The following ARHGAP29 variants were observed in gnomAD, a reference collection of about 807,000 sequenced individuals.
ARHGAP29 encodes the protein Rho GTPase activating protein 29.
Under a neutral mutation model 122.6 loss-of-function variants are expected in ARHGAP29, and 43 were observed. That is an observed-to-expected ratio of 0.35 (90% confidence interval 0.27 to 0.45). The LOEUF (loss-of-function observed/expected upper bound fraction) is 0.45, where lower values mean the gene tolerates loss of function less well. Among genes scored for constraint, ARHGAP29 ranks in the 20% least tolerant of loss-of-function variants. The pLI is 1.00. For synonymous variants in ARHGAP29, 506 were observed against 497.1 expected, an observed-to-expected ratio of 1.02 and a Z score of -0.24; for missense variants, 1,303 against 1,477.2, an observed-to-expected ratio of 0.88 and a Z score of 1.93.
At chr1:94,284,338 C>A in the ARHGAP29 span, among the ~76,000 whole-genome samples, 12 of 152,168 alleles carry the variant, frequency 7.9e-5, no homozygotes, top group African/African-American at 2.9e-4. Flanking sequence ...CCTTATTTTG[C>A]ATCCTTACCT....
In ARHGAP29 at chr1:94,174,376, C is replaced by G; in HGVS notation, c.3279G>C (p.Lys1093Asn). The G allele has an allele frequency of 1.2e-6, 2 of 1,614,084 alleles. No individual in the cohort carries two copies. Among genetic ancestry groups the G allele is most frequent in the Non-Finnish European group, 1.7e-6 (2 of 1,180,012 alleles). ...KQYEQNSLTA[K>N]TTMIMPSALQ... Reference sequence around the variant, plus strand: ...GTGCACTGGGCATGATCATTGTAGTCTTGGCAGTTAGGCTGTTTTGTTCAT... The same window carrying G: ...GTGCACTGGGCATGATCATTGTAGTGTTGGCAGTTAGGCTGTTTTGTTCAT... Residue 1093 changes from lysine (K) to asparagine (N), a missense_variant, in exon 23 of 23, where the codon AAG (lysine) becomes AAC (asparagine). Around this residue, in one of 3 missense-constraint regions of ARHGAP29, gnomAD observed 620 missense variants for 651.2 expected, o/e 0.95. Transcript: ENST00000260526.
At chr1:94,298,239 G>C in the ARHGAP29 span, among the ~76,000 whole-genome samples, 3 of 152,166 alleles carry the variant, frequency 2.0e-5, no homozygotes, top group East Asian at 5.8e-4. Context: ...GAAGTATAAA[G>C]AGGCAAAATT....
At chr1:94,198,471 A>C (rs546986208) in intron 12 of ARHGAP29, among the ~76,000 whole-genome samples, 1 of 152,142 alleles carries the variant, frequency 6.6e-6, no homozygotes, top group Non-Finnish European at 1.5e-5. Flanking sequence ...ACCCTGTCTC[A>C]AAAAACAAAA....
At chr1:94,200,521 C>A (rs1280955682) in intron 12 of ARHGAP29, among the ~76,000 whole-genome samples, 1 of 152,096 alleles carries the variant, frequency 6.6e-6, no homozygotes, top group Non-Finnish European at 1.5e-5. Context: ...ATTTAGCACA[C>A]CAGCCAGTAA....
intron 2 of ARHGAP29, among the ~76,000 whole-genome samples, chr1:94,226,467 G>A (rs754213053): frequency 1.3e-5 from 2 of 151,932 alleles, no homozygotes; most frequent in Non-Finnish European, 2.9e-5. Context: ...CAACTAGCAA[G>A]TGGCAGAATG....
the ARHGAP29 span, chr1:94,302,748 GACCTGAC>G: frequency 2.8e-6 from 1 of 358,968 alleles, no homozygotes; most frequent in Non-Finnish European, 5.5e-6. Flanking sequence ...GTCAGTCATG[GACCTGAC>G]CTGCTCTCTG....
At chr1:94,244,522 T>A (rs1557885411) in intron 1 of ARHGAP29, among the ~76,000 whole-genome samples, 1 of 152,014 alleles carries the variant, frequency 6.6e-6, no homozygotes, top group African/African-American at 2.4e-5. Context: ...GTTTTCTCCT[T>A]AAGATCAGGA....
chr1:94,309,317 C>A, the ARHGAP29 span, among the ~76,000 whole-genome samples: 1,560 of 152,248 alleles, frequency 0.01, 26 homozygotes, highest in African/African-American at 0.036. Flanking sequence ...GATGGTGGAA[C>A]CAGGACTCAG....
intron 5 of ARHGAP29, among the ~76,000 whole-genome samples, chr1:94,206,072 A>T (rs947862561): frequency 3.9e-5 from 6 of 152,198 alleles, no homozygotes; most frequent in Non-Finnish European, 8.8e-5. Flanking sequence ...TTATCATTTT[A>T]CTATATGATA....
chr1:94,221,393 C>T (rs191202259), intron 2 of ARHGAP29, among the ~76,000 whole-genome samples: 33 of 152,120 alleles, frequency 2.2e-4, no homozygotes, highest in African/African-American at 7.7e-4. Context: ...TAAGCACTTA[C>T]TATGTGCTAG....
intron 11 of ARHGAP29, 162 bp from the exon 12 acceptor site, chr1:94,202,019 G>A: frequency 1.5e-6 from 1 of 678,098 alleles, no homozygotes; most frequent in Middle Eastern, 4.2e-4. Context: ...TTCAAAGGCA[G>A]TTGATTTTAA....
intron 1 of ARHGAP29, among the ~76,000 whole-genome samples, chr1:94,257,078 C>T (rs905201760): frequency 3.9e-5 from 6 of 152,100 alleles, no homozygotes; most frequent in African/African-American, 1.4e-4. Flanking sequence ...TCCTCTCAAA[C>T]CAATCCTTTT....
chr1:94,201,649 A>G lies in ARHGAP29; in HGVS notation c.1281+71T>C, dbSNP rs1251388775. ...CAGCCTCCCAAAGTGCTGGGATTAC[A>G]GGTGTGAGCCACCATGCCTTGCCTG... On this transcript the variant is annotated intron_variant, in intron 12 of 22. Transcript: ENST00000260526. 33 of 1,579,854 alleles carry G rather than the reference A, an allele frequency of 2.1e-5. 1 individual carries two copies. The Admixed American group carries it at 5.9e-4, about 28-fold the overall frequency.
chr1:94,241,804 A>G (rs1233517569), upstream of ARHGAP29, among the ~76,000 whole-genome samples: 1 of 149,988 alleles, frequency 6.7e-6, no homozygotes, highest in African/African-American at 2.4e-5. Context: ...GTAGTAAACA[A>G]CTAGAAAAAT....
chr1:94,243,716 C>T (rs2150269), intron 1 of ARHGAP29, among the ~76,000 whole-genome samples: 38,021 of 151,640 alleles, frequency 0.25, 4,885 homozygotes, highest in East Asian at 0.46. Context: ...ATTTAGAAAA[C>T]AGAAAACAGA....
intron 2 of ARHGAP29, among the ~76,000 whole-genome samples, chr1:94,227,740 A>C (rs1281667678): frequency 6.6e-6 from 1 of 151,810 alleles, no homozygotes; most frequent in African/African-American, 2.4e-5. Flanking sequence ...GCACTTATGA[A>C]TCTGTTATTT....
At chr1:94,273,895 T>C (rs150964435) in intron 1 of ARHGAP29, among the ~76,000 whole-genome samples, 1 of 148,952 alleles carries the variant, frequency 6.7e-6, no homozygotes, top group African/African-American at 2.5e-5. Flanking sequence ...AGATGAGCAG[T>C]AGCATTAAAA....
At chr1:94,310,701 G>A in the ARHGAP29 span, among the ~76,000 whole-genome samples, 1 of 151,962 alleles carries the variant, frequency 6.6e-6, no homozygotes, top group Non-Finnish European at 1.5e-5. Flanking sequence ...AGATTTCAAA[G>A]GCCAACATGG....
intron 15 of ARHGAP29, 58 bp downstream of exon 15, chr1:94,188,779 C>A: frequency 1.5e-6 from 2 of 1,377,790 alleles, no homozygotes; most frequent in South Asian, 2.5e-5. Flanking sequence ...TAAAAAATAC[C>A]TAAAAAAGGA....
Sources: gnomAD v4.1 joint callset for allele counts (sites outside exome capture counted in the v4.1 genomes callset) on GRCh38, gnomAD v4.1.1 for gene constraint, gnomAD v4.1.1 regional missense constraint, MANE v1.5 for transcripts, NCBI Gene and HGNC (gene_info 2026-07-23, HGNC 2026-07-21) for gene names.